LHFPL6: variants seen among roughly 807,000 people sequenced by gnomAD.
LHFPL6 encodes the protein LHFPL tetraspan subfamily member 6.
A neutral mutation model predicts 20.6 loss-of-function variants in LHFPL6; 9 were observed. The ratio of observed to expected loss-of-function variants is 0.44; its 90% CI spans 0.26 to 0.76. The LOEUF is 0.76. LHFPL6 is among the 30% of genes least tolerant of loss of function. The probability of loss-of-function intolerance (pLI) is 0.20; values close to 1 mark genes in which losing one functional copy is unlikely to be tolerated. For missense variants in LHFPL6, 218 were observed against 253.5 expected, an observed-to-expected ratio of 0.86 and a Z score of 0.95; for synonymous variants, 105 against 98.7, an observed-to-expected ratio of 1.06 and a Z score of -0.38.
chr13:39,600,669 C>A (rs556556420), intron 2 of LHFPL6, among the ~76,000 whole-genome samples, 163 bp downstream of exon 2: 1 of 152,206 alleles, frequency 6.6e-6, no homozygotes, highest in Non-Finnish European at 1.5e-5. Context: ...GCAATTCTGA[C>A]AATAATCTTG....
intron 2 of LHFPL6, among the ~76,000 whole-genome samples, chr13:39,380,611 G>A (rs946681804): frequency 6.6e-6 from 1 of 150,618 alleles, no homozygotes; most frequent in Non-Finnish European, 1.5e-5. Flanking sequence ...CCCCATCTCT[G>A]CCTCCTGAGT....
At chr13:39,520,138 ATGTAAAAGGCTG>A (rs1270885012) in intron 2 of LHFPL6, among the ~76,000 whole-genome samples, 2 of 152,196 alleles carry the variant, frequency 1.3e-5, no homozygotes, top group Non-Finnish European at 2.9e-5. Flanking sequence ...ACCTTTTGTC[ATGTAAAAGGCTG>A]TGTAAGATTT....
chr13:39,406,485 T>C, intron 2 of LHFPL6, among the ~76,000 whole-genome samples: 1 of 152,214 alleles, frequency 6.6e-6, no homozygotes, highest in East Asian at 1.9e-4. Context: ...TCAATTTCCT[T>C]AATTGCCTCA....
intron 2 of LHFPL6, among the ~76,000 whole-genome samples, chr13:39,467,031 A>T (rs1483747127): frequency 1.3e-5 from 2 of 152,242 alleles, no homozygotes; most frequent in African/African-American, 4.8e-5. Context: ...ACGCGAATAG[A>T]AAAACAGACA....
intron 2 of LHFPL6, among the ~76,000 whole-genome samples, chr13:39,399,623 C>T (rs77695817): frequency 0.016 from 2,398 of 152,204 alleles, 77 homozygotes; most frequent in African/African-American, 0.054. Context: ...GAAAGGATAG[C>T]GTCCTATAAA....
At chr13:39,347,262 G>A (rs1218338254) in intron 3 of LHFPL6, among the ~76,000 whole-genome samples, 1 of 152,128 alleles carries the variant, frequency 6.6e-6, no homozygotes, top group African/African-American at 2.4e-5. Flanking sequence ...TTGCTGACAT[G>A]AGAGCTTCAC....
chr13:39,477,061 C>T (rs1377721445), intron 2 of LHFPL6, among the ~76,000 whole-genome samples: 1 of 152,138 alleles, frequency 6.6e-6, no homozygotes. Flanking sequence ...TCCTTCACTC[C>T]CTAGCACTCA....
At chr13:39,493,275 C>T (rs1868989496) in intron 2 of LHFPL6, among the ~76,000 whole-genome samples, 1 of 147,252 alleles carries the variant, frequency 6.8e-6, no homozygotes, top group African/African-American at 2.5e-5. Flanking sequence ...TTGAGACCAG[C>T]CTGGCCAACA....
chr13:39,398,470 C>A (rs1260640566), intron 2 of LHFPL6, among the ~76,000 whole-genome samples: 1 of 152,194 alleles, frequency 6.6e-6, no homozygotes, highest in Non-Finnish European at 1.5e-5. Context: ...AGGGTAAAGC[C>A]TTTCTGCAAA....
chr13:39,397,559 A>T (rs1268011194), intron 2 of LHFPL6, among the ~76,000 whole-genome samples: 2 of 152,250 alleles, frequency 1.3e-5, no homozygotes, highest in Non-Finnish European at 2.9e-5. Context: ...ATCCGTGACG[A>T]AGGTAAAGTA....
chr13:39,384,106 C>T (rs1168882545), intron 2 of LHFPL6, among the ~76,000 whole-genome samples: 1 of 152,176 alleles, frequency 6.6e-6, no homozygotes, highest in African/African-American at 2.4e-5. Context: ...GGTACATGCC[C>T]ACTCACAAAA....
At chr13:39,411,752 T>C (rs914259898) in intron 2 of LHFPL6, among the ~76,000 whole-genome samples, 2 of 152,258 alleles carry the variant, frequency 1.3e-5, no homozygotes, top group African/African-American at 2.4e-5. Flanking sequence ...AGTAGAACTA[T>C]AGCCCTTGCC....
intron 2 of LHFPL6, among the ~76,000 whole-genome samples, chr13:39,459,201 T>C (rs1236591001): frequency 1.8e-5 from 1 of 55,908 alleles, no homozygotes; most frequent in African/African-American, 7.6e-5. Flanking sequence ...TTAATGTGTG[T>C]GTGTGTGTGT....
intron 2 of LHFPL6, among the ~76,000 whole-genome samples, chr13:39,387,674 T>A (rs561642877): frequency 6.6e-6 from 1 of 151,052 alleles, no homozygotes; most frequent in Admixed American, 6.6e-5. Flanking sequence ...GGGACAAACA[T>A]CCAGGTTGAG....
At chr13:39,391,561 A>C (rs1432906307) in intron 2 of LHFPL6, among the ~76,000 whole-genome samples, 7 of 152,180 alleles carry the variant, frequency 4.6e-5, no homozygotes, top group Non-Finnish European at 1.0e-4. Context: ...ATAATCATTC[A>C]TTTTTAATAG....
In LHFPL6 at chr13:39,413,441, T is replaced by C. The variant is rs1027337749; in HGVS notation, c.386-34915A>G. 8.3e-5 allele frequency among the ~76,000 whole-genome samples: 8 copies of C among 95,858 alleles called. 1 individual carries two copies. The highest frequency in any genetic ancestry group is 1.6e-4 in the Non-Finnish European group (7 of 44,908). 62.9% of individuals were successfully genotyped at this position (95,858 alleles called of 152,430 possible). ...AACCCGAAACTACTCAGGATTTTTTTTTTTTTTTTTTAGGAATTGGGGGTA... is the reference window on the plus strand; with the variant it reads ...AACCCGAAACTACTCAGGATTTTTTCTTTTTTTTTTTAGGAATTGGGGGTA... On this transcript the variant is annotated intron_variant, in intron 2 of 3. Coordinates refer to ENST00000379589, the MANE Select transcript of LHFPL6 (RefSeq NM_005780.3).
chr13:39,437,498 T>TTCC (rs1871993711), intron 2 of LHFPL6, among the ~76,000 whole-genome samples: 1 of 152,352 alleles, frequency 6.6e-6, no homozygotes, highest in Admixed American at 6.5e-5. Flanking sequence ...CCCTGAGGAC[T>TTCC]TCCTAGAAGC....
chr13:39,455,809 A>C (rs981024698), intron 2 of LHFPL6, among the ~76,000 whole-genome samples: 2 of 152,262 alleles, frequency 1.3e-5, no homozygotes, highest in African/African-American at 4.8e-5. Context: ...TTCTAACCAC[A>C]TTAAAGTCAC....
At chr13:39,348,833 T>C (rs1269901696) in intron 3 of LHFPL6, among the ~76,000 whole-genome samples, 1 of 152,192 alleles carries the variant, frequency 6.6e-6, no homozygotes, top group Non-Finnish European at 1.5e-5. Flanking sequence ...CTAGGGCAAA[T>C]CCTTGTCTTG....
Sources: gnomAD v4.1 joint callset for allele counts (sites outside exome capture counted in the v4.1 genomes callset) on GRCh38, gnomAD v4.1.1 for gene constraint, MANE v1.5 for transcripts, NCBI Gene and HGNC (gene_info 2026-07-23, HGNC 2026-07-21) for gene names.